Variants in DACH1 observed in about 807,000 individuals in gnomAD.
The protein encoded by DACH1 is dachshund homolog 1.
Under a neutral mutation model 54.2 loss-of-function variants are expected in DACH1, and 12 were observed. That is an observed-to-expected ratio of 0.22 (90% CI 0.14 to 0.36). DACH1 has a LOEUF of 0.36. Ranked by LOEUF, DACH1 falls within the 10% of genes least tolerant of loss-of-function variation. The pLI, the probability that DACH1 is intolerant of heterozygous loss-of-function variation, is 1.00. For synonymous variants in DACH1, 386 were observed against 366.2 expected (o/e 1.05, Z -0.62); for missense variants, 805 against 929.8 (o/e 0.87, Z 1.75).
At chr13:71,755,028 T>C (rs1403951713) in intron 1 of DACH1, among the ~76,000 whole-genome samples, 1 of 152,166 alleles carries the variant, frequency 6.6e-6, no homozygotes, top group East Asian at 1.9e-4. Context: ...AGAAAAATCA[T>C]TAACTTTGTC....
chr13:71,779,239 ATATATACGTATATACG>A (rs1463868661), intron 1 of DACH1, among the ~76,000 whole-genome samples: 8 of 94,052 alleles, frequency 8.5e-5, no homozygotes, highest in Admixed American at 2.4e-4. Flanking sequence ...ATATATACAC[ATATATACGTATATACG>A]TATATATGTG....
chr13:71,689,562 A>G (rs564880607), intron 1 of DACH1, among the ~76,000 whole-genome samples: 48 of 152,320 alleles, frequency 3.2e-4, no homozygotes, highest in African/African-American at 1.1e-3. Flanking sequence ...AGGATAAATT[A>G]TTGTGGCCTC....
intron 1 of DACH1, among the ~76,000 whole-genome samples, chr13:71,778,847 T>C (rs974289780): frequency 1.3e-5 from 2 of 151,974 alleles, no homozygotes; most frequent in Non-Finnish European, 2.9e-5. Context: ...TGGTCTAACA[T>C]GGCATTTGTT....
intron 1 of DACH1, among the ~76,000 whole-genome samples, chr13:71,712,894 T>A (rs1398053351): frequency 6.6e-6 from 1 of 152,148 alleles, no homozygotes; most frequent in Non-Finnish European, 1.5e-5. Context: ...TAGCAATGAC[T>A]CTAGCAGTCA....
At chr13:71,675,102 T>G in intron 2 of DACH1, 1 of 1,571,904 alleles carries the variant, frequency 6.4e-7, no homozygotes, top group South Asian at 1.1e-5. Context: ...AATCGACCGG[T>G]GGTAAAGCAC....
chr13:71,848,366 T>C (rs891034220), intron 1 of DACH1, among the ~76,000 whole-genome samples: 2 of 152,234 alleles, frequency 1.3e-5, no homozygotes, highest in African/African-American at 4.8e-5. Flanking sequence ...AAGGACTTTG[T>C]AATTTTTCAG....
chr13:71,511,704 C>G (rs1880785284), intron 6 of DACH1, among the ~76,000 whole-genome samples: 1 of 151,714 alleles, frequency 6.6e-6, no homozygotes, highest in Non-Finnish European at 1.5e-5. Flanking sequence ...AGGAACAAAC[C>G]TTACTAGCCT....
intron 1 of DACH1, among the ~76,000 whole-genome samples, chr13:71,744,240 T>C (rs1055475708): frequency 6.6e-6 from 1 of 152,204 alleles, no homozygotes; most frequent in Non-Finnish European, 1.5e-5. Context: ...AATTCAGCAA[T>C]GAAGCAGAAA....
intron 1 of DACH1, among the ~76,000 whole-genome samples, chr13:71,796,990 G>A (rs185442189): frequency 0.019 from 2,905 of 149,092 alleles, 45 homozygotes; most frequent in Non-Finnish European, 0.028. Flanking sequence ...TCTTTGTTTT[G>A]TTTTTTTTCA....
chr13:71,772,939 G>C (rs1425746452), intron 1 of DACH1, among the ~76,000 whole-genome samples: 1 of 151,564 alleles, frequency 6.6e-6, no homozygotes, highest in Non-Finnish European at 1.5e-5. Flanking sequence ...ATGTTGTTTC[G>C]ATATAACTAT....
intron 3 of DACH1, among the ~76,000 whole-genome samples, chr13:71,583,834 C>G (rs1435205103): frequency 6.6e-6 from 1 of 152,046 alleles, no homozygotes; most frequent in African/African-American, 2.4e-5. Context: ...GACCCTGTCT[C>G]AAATAATAAT....
In DACH1 at chr13:71,559,801, G is replaced by A. The variant is rs1313123949; in HGVS notation, c.1435+19C>T. ...CTAATAAAGTTTAAAATGGTGACAA[G>A]TAGAAGTATGAGACCTACGGATTCT... On this transcript the variant is annotated intron_variant, in intron 5 of 10. Transcript: ENST00000613252. The A allele has an allele frequency of 1.9e-6, 3 of 1,613,542 alleles. No homozygotes were observed. The highest frequency in any genetic ancestry group is 2.2e-5 in the South Asian group (2 of 91,072).
intron 6 of DACH1, among the ~76,000 whole-genome samples, chr13:71,492,682 ACTT>A (rs562122373): frequency 1.2e-3 from 181 of 145,632 alleles, no homozygotes; most frequent in African/African-American, 4.3e-3. Flanking sequence ...ACATTTTGTC[ACTT>A]TTTTTTTTTT....
intron 1 of DACH1, among the ~76,000 whole-genome samples, chr13:71,791,001 G>T (rs1241351858): frequency 6.6e-6 from 1 of 152,156 alleles, no homozygotes; most frequent in Non-Finnish European, 1.5e-5. Context: ...GTCTTCAAAT[G>T]ATCCACTATT....
At chr13:71,817,286 G>C (rs1193112298) in intron 1 of DACH1, among the ~76,000 whole-genome samples, 1 of 152,140 alleles carries the variant, frequency 6.6e-6, no homozygotes, top group Admixed American at 6.5e-5. Flanking sequence ...AGTTGTGGAT[G>C]GCCCATATGC....
At chr13:71,571,884 C>T (rs929353663) in intron 4 of DACH1, among the ~76,000 whole-genome samples, 1 of 151,864 alleles carries the variant, frequency 6.6e-6, no homozygotes, top group African/African-American at 2.4e-5. Flanking sequence ...TACAGGCGCC[C>T]GCCACCACGC....
chr13:71,845,393 T>C (rs1254372549), intron 1 of DACH1, among the ~76,000 whole-genome samples: 1 of 152,144 alleles, frequency 6.6e-6, no homozygotes, highest in African/African-American at 2.4e-5. Context: ...CAAACTATAA[T>C]ACTTTTTTGC....
At chr13:71,529,187 T>TG (rs1882232184) in intron 6 of DACH1, among the ~76,000 whole-genome samples, 1 of 144,962 alleles carries the variant, frequency 6.9e-6, no homozygotes, top group Non-Finnish European at 1.5e-5. Context: ...ATTTGGGTTT[T>TG]TTTTTTTTTT....
At chr13:71,586,818 A>G (rs1348548485) in intron 3 of DACH1, among the ~76,000 whole-genome samples, 2 of 152,060 alleles carry the variant, frequency 1.3e-5, no homozygotes, top group Non-Finnish European at 2.9e-5. Context: ...TCAAATCATC[A>G]TATTATTATA....
Sources: allele counts gnomAD v4.1 joint callset (sites outside exome capture counted in the v4.1 genomes callset), GRCh38; gene constraint gnomAD v4.1.1; transcripts MANE v1.5; gene names NCBI Gene and HGNC (gene_info 2026-07-23, HGNC 2026-07-21).